The following MAD1L1 variants were observed in gnomAD, a reference collection of about 807,000 sequenced individuals.
MAD1L1 encodes the protein mitotic spindle assembly checkpoint protein MAD1.
Under a neutral mutation model 96.9 loss-of-function variants are expected in MAD1L1, and 95 were observed. The observed-to-expected ratio is 0.98, with a 90% CI of 0.83 to 1.16. The LOEUF (loss-of-function observed/expected upper bound fraction) is 1.16. Ranked by LOEUF, MAD1L1 falls within the 50% of genes most tolerant of loss-of-function variation. The pLI is 0.00. For missense variants in MAD1L1, 1,007 were observed against 954.4 expected (o/e 1.06, Z -0.73); for synonymous variants, 473 against 396.6 (o/e 1.19, Z -2.29).
At chr7:2,199,024 G>A (rs1298553021) in intron 10 of MAD1L1, among the ~76,000 whole-genome samples, 7 of 152,310 alleles carry the variant, frequency 4.6e-5, no homozygotes, top group East Asian at 1.9e-4. Context: ...CCGGCCTTGG[G>A]CGGGGCTATC....
chr7:2,026,107 G>A (rs922736407), intron 12 of MAD1L1, among the ~76,000 whole-genome samples: 3 of 152,046 alleles, frequency 2.0e-5, no homozygotes, highest in Non-Finnish European at 4.4e-5. Context: ...ATTTAACAAT[G>A]CTCAAAATGA....
chr7:2,010,215 C>G (rs1782232185), intron 13 of MAD1L1, among the ~76,000 whole-genome samples: 1 of 151,910 alleles, frequency 6.6e-6, no homozygotes, highest in Admixed American at 6.6e-5. Context: ...ATCAGGCTCT[C>G]CCCAGCCCTC....
intron 11 of MAD1L1, among the ~76,000 whole-genome samples, chr7:2,102,112 G>A (rs536467437): frequency 1.2e-4 from 19 of 152,086 alleles, no homozygotes; most frequent in African/African-American, 3.9e-4. Context: ...ACCAGTCACA[G>A]GGCAGACTCT....
At chr7:1,909,076 C>G (rs34269264) in intron 17 of MAD1L1, among the ~76,000 whole-genome samples, 1 of 152,080 alleles carries the variant, frequency 6.6e-6, no homozygotes, top group African/African-American at 2.4e-5. Context: ...CAGGAGGGAA[C>G]GTGCCCAGAC....
At chr7:2,014,140 C>T (rs1782424079) in intron 13 of MAD1L1, among the ~76,000 whole-genome samples, 1 of 152,192 alleles carries the variant, frequency 6.6e-6, no homozygotes, top group South Asian at 2.1e-4. Context: ...TCTGAGCACC[C>T]GGAGACCAGG....
intron 9 of MAD1L1, 107 bp downstream of exon 9, chr7:2,215,778 A>T (rs1323696761): frequency 2.0e-6 from 2 of 999,320 alleles, no homozygotes; most frequent in Non-Finnish European, 3.1e-6. Context: ...CATCACAGCA[A>T]CCTCCATGTT....
At position 2,044,083 on chromosome 7, in the gene MAD1L1, CCTA is replaced by C. The variant is rs1213326542; in HGVS notation, c.1218+25108_1218+25110del. Among the ~76,000 whole-genome samples, 6 of 152,178 alleles carry C rather than the reference CCTA, an allele frequency of 3.9e-5. No homozygotes were observed. In the East Asian group the frequency reaches 1.2e-3, roughly 29 times the overall value. ...GACAGCAGCATGGGAGGACGAGCTG[CCTA>C]GAGCTGGCGGCCACAATGCGCCGCA... On this transcript the variant is annotated intron_variant, in intron 12 of 18. Transcript: ENST00000265854.
intron 10 of MAD1L1, among the ~76,000 whole-genome samples, chr7:2,152,202 A>G (rs2128581805): frequency 6.6e-6 from 1 of 152,270 alleles, no homozygotes; most frequent in African/African-American, 2.4e-5. Context: ...CAGCCTGGAT[A>G]CTTGCTGGCC....
intron 16 of MAD1L1, among the ~76,000 whole-genome samples, chr7:1,955,437 C>T (rs545544965): frequency 6.6e-6 from 1 of 152,292 alleles, no homozygotes; most frequent in African/African-American, 2.4e-5. Flanking sequence ...ACTACAGGTG[C>T]CCACCACCAT....
In MAD1L1 at chr7:1,815,922, G is replaced by A. The variant is rs565093407; in HGVS notation, c.*148C>T. The A allele has an allele frequency of 2.6e-5, 25 of 957,916 alleles. No homozygotes were observed. The highest frequency in any genetic ancestry group is 5.0e-4 in the Middle Eastern group (2 of 4,018). 59.3% of individuals were successfully genotyped at this position (957,916 alleles called of 1,614,324 possible). A position where few individuals can be genotyped will look rare whatever the true frequency, so the allele number is the denominator to read the frequency against. On this transcript the variant is annotated 3_prime_UTR_variant, in exon 19 of 19. Transcript: ENST00000265854. ...TGCTGGCCGCCCCAGCAGGAAGCCC[G>A]ACGTAGGTCCCAGCGTGTCTGTCAG...
At chr7:2,121,114 C>T (rs1007495176) in intron 11 of MAD1L1, among the ~76,000 whole-genome samples, 3 of 152,200 alleles carry the variant, frequency 2.0e-5, no homozygotes, top group African/African-American at 4.8e-5. Flanking sequence ...CCAGGGCAGG[C>T]GCCCCGCCAC....
At chr7:2,177,771 T>C (rs1386434907) in intron 10 of MAD1L1, among the ~76,000 whole-genome samples, 3 of 152,224 alleles carry the variant, frequency 2.0e-5, no homozygotes, top group African/African-American at 4.8e-5. Flanking sequence ...TGCTCGACTC[T>C]GTAAACGCCT....
intron 15 of MAD1L1, among the ~76,000 whole-genome samples, chr7:1,959,823 C>A: frequency 6.6e-6 from 1 of 151,404 alleles, no homozygotes; most frequent in South Asian, 2.1e-4. Context: ...AGGACGAGGG[C>A]GGGGCGGGGC....
At chr7:2,216,389 G>C in intron 7 of MAD1L1, 102 bp from the exon 8 acceptor site, 2 of 1,199,372 alleles carry the variant, frequency 1.7e-6, no homozygotes, top group Non-Finnish European at 2.3e-6. Flanking sequence ...GGTCTGCAAC[G>C]GCTATACACA....
At chr7:2,148,348 G>A (rs1179257005) in intron 11 of MAD1L1, 56 of 152,948 alleles carry the variant, frequency 3.7e-4, no homozygotes, top group Non-Finnish European at 2.9e-5. Flanking sequence ...CCCGTTGCAC[G>A]GCCCTTCCCT....
At chr7:1,967,990 C>G (rs964067093) in intron 15 of MAD1L1, among the ~76,000 whole-genome samples, 2 of 152,194 alleles carry the variant, frequency 1.3e-5, no homozygotes, top group African/African-American at 2.4e-5. Context: ...GTGGCAAACT[C>G]CCTCCAGTCC....
chr7:1,886,388 G>A (rs1028158541), intron 18 of MAD1L1, among the ~76,000 whole-genome samples: 1 of 152,256 alleles, frequency 6.6e-6, no homozygotes, highest in Admixed American at 6.5e-5. Flanking sequence ...TGGCAGCAAA[G>A]CGGATGCTTC....
At chr7:2,100,506 G>A (rs549623726) in intron 11 of MAD1L1, among the ~76,000 whole-genome samples, 28 of 152,304 alleles carry the variant, frequency 1.8e-4, no homozygotes, top group African/African-American at 6.0e-4. Context: ...CTGCCCACCC[G>A]GCGCGTCTGC....
At chr7:2,042,935 T>C (rs919891363) in intron 12 of MAD1L1, among the ~76,000 whole-genome samples, 1 of 152,032 alleles carries the variant, frequency 6.6e-6, no homozygotes, top group Admixed American at 6.5e-5. Flanking sequence ...ATCAAGGCAG[T>C]GCTGCTGAGG....
Sources: gnomAD v4.1 joint callset for allele counts (sites outside exome capture counted in the v4.1 genomes callset) on GRCh38, gnomAD v4.1.1 for gene constraint, MANE v1.5 for transcripts, NCBI Gene and HGNC (gene_info 2026-07-23, HGNC 2026-07-21) for gene names.